The following YAF2 variants were observed in gnomAD, a reference collection of about 807,000 sequenced individuals.
YAF2 encodes YY1-associated factor 2.
A neutral mutation model predicts 20.1 loss-of-function variants in YAF2; 7 were observed. The ratio of observed to expected loss-of-function variants is 0.35; its 90% CI spans 0.20 to 0.65. The LOEUF is 0.65. YAF2 is among the 30% of genes least tolerant of loss of function. YAF2 has a pLI of 0.69. For synonymous variants in YAF2, 74 were observed against 76.0 expected, an observed-to-expected ratio of 0.97 and a Z score of 0.14; for missense variants, 151 against 219.2, an observed-to-expected ratio of 0.69 and a Z score of 1.96.
chr12:42,199,088 T>C, intron 2 of YAF2: 1 of 1,041,002 alleles, frequency 9.6e-7, no homozygotes, highest in Non-Finnish European at 1.3e-6. Context: ...TCCTCTTGGG[T>C]ACATCTTCAA....
chr12:42,207,492 T>C (rs1220688582), intron 2 of YAF2, among the ~76,000 whole-genome samples: 3 of 152,100 alleles, frequency 2.0e-5, no homozygotes, highest in African/African-American at 4.8e-5. Flanking sequence ...ACTAAATAAT[T>C]AGAATTTCAC....
At position 42,182,125 on chromosome 12, in the gene YAF2, AAAG is replaced by A. The variant is rs140962363; in HGVS notation, c.153-20363_153-20361del. Among the ~76,000 whole-genome samples the A allele has an allele frequency of 8.6e-3, 1,307 of 152,246 alleles. 19 individuals carry two copies. The highest frequency in any genetic ancestry group is 0.03 in the African/African-American group (1,255 of 41,508). ...TAAACTGATGAATTATTTCACAAAA[AAAG>A]AAGGTTAAAACTACAAAAGCATCAT... is the stretch of plus-strand genomic sequence containing the variant. On this transcript the variant is annotated intron_variant, in intron 2 of 3. Coordinates refer to ENST00000534854, the MANE Select transcript of YAF2 (RefSeq NM_005748.6).
intron 2 of YAF2, among the ~76,000 whole-genome samples, chr12:42,227,844 T>TGG (rs1260645926): frequency 9.7e-6 from 1 of 103,452 alleles, no homozygotes; most frequent in Non-Finnish European, 1.9e-5. Flanking sequence ...GGGAGGGAGG[T>TGG]GGGGGGGTCA....
intron 2 of YAF2, among the ~76,000 whole-genome samples, chr12:42,228,165 G>A (rs1246426190): frequency 9.2e-5 from 6 of 64,978 alleles, no homozygotes; most frequent in Admixed American, 1.4e-4. Context: ...TCGGCCCCCC[G>A]CCCGGCCAGC....
At chr12:42,232,783 A>T in intron 2 of YAF2, 1 of 985,490 alleles carries the variant, frequency 1.0e-6, no homozygotes, top group Non-Finnish European at 1.2e-6. Context: ...AGCTTCTTTC[A>T]GAATGTGGAT....
At chr12:42,185,210 A>C (rs1263612744) in intron 2 of YAF2, among the ~76,000 whole-genome samples, 1 of 152,198 alleles carries the variant, frequency 6.6e-6, no homozygotes, top group Non-Finnish European at 1.5e-5. Context: ...ACAAAAAAAC[A>C]GAACTAGAAT....
intron 2 of YAF2, chr12:42,233,144 T>C: frequency 1.0e-6 from 1 of 985,456 alleles, no homozygotes; most frequent in Non-Finnish European, 1.2e-6. Context: ...TGAACCCAGG[T>C]TACCAAAATC....
intron 2 of YAF2, chr12:42,172,335 A>C (rs2066071024): frequency 6.6e-6 from 1 of 152,224 alleles, no homozygotes; most frequent in Non-Finnish European, 1.5e-5. Context: ...TATAATTTGA[A>C]ATCTCTTATA....
At chr12:42,198,386 C>T (rs2066810414) in intron 2 of YAF2, among the ~76,000 whole-genome samples, 2 of 152,130 alleles carry the variant, frequency 1.3e-5, no homozygotes, top group African/African-American at 4.8e-5. Flanking sequence ...GAGTTTGAGA[C>T]CAGCCTGAGC....
chr12:42,233,707 C>T (rs1265404564), intron 2 of YAF2: 2 of 868,112 alleles, frequency 2.3e-6, no homozygotes, highest in Non-Finnish European at 2.8e-6. Context: ...GAGACGAGAT[C>T]TCACTGTGTT....
At chr12:42,225,434 C>T (rs958231432) in intron 2 of YAF2, among the ~76,000 whole-genome samples, 4 of 152,132 alleles carry the variant, frequency 2.6e-5, no homozygotes, top group Admixed American at 2.6e-4. Context: ...GAAGTCTTTG[C>T]CCATGCCTAT....
At chr12:42,234,093 C>T (rs181282296) in intron 2 of YAF2, 260 of 697,730 alleles carry the variant, frequency 3.7e-4, no homozygotes, top group Non-Finnish European at 4.2e-4. Context: ...ATTGCTTGAA[C>T]CTGGGAGGTG....
chr12:42,220,133 T>C (rs1455679551), intron 2 of YAF2, among the ~76,000 whole-genome samples: 1 of 152,116 alleles, frequency 6.6e-6, no homozygotes, highest in African/African-American at 2.4e-5. Context: ...ATTCTTCCAA[T>C]GAGAGATACT....
intron 2 of YAF2, among the ~76,000 whole-genome samples, chr12:42,223,310 C>T (rs1017950611): frequency 6.6e-6 from 1 of 150,750 alleles, no homozygotes; most frequent in East Asian, 1.9e-4. Context: ...ATCTTAAAAA[C>T]AGCAGTTTCT....
intron 2 of YAF2, among the ~76,000 whole-genome samples, chr12:42,198,423 A>C (rs2066811293): frequency 6.6e-6 from 1 of 152,162 alleles, no homozygotes; most frequent in African/African-American, 2.4e-5. Context: ...GTCTCTACAA[A>C]AAAATACAAA....
chr12:42,183,050 A>AT (rs2137056972), intron 2 of YAF2, among the ~76,000 whole-genome samples: 1 of 152,272 alleles, frequency 6.6e-6, no homozygotes, highest in African/African-American at 2.4e-5. Flanking sequence ...CGTTATTATT[A>AT]TATCTGTTAT....
At chr12:42,232,673 TAGA>T in intron 2 of YAF2, 1 of 985,422 alleles carries the variant, frequency 1.0e-6, no homozygotes, top group Non-Finnish European at 1.2e-6. Flanking sequence ...ACCAAAAGTC[TAGA>T]AGAATCAGTG....
chr12:42,160,918 A>G, intron 3 of YAF2, 92 bp from the exon 4 acceptor site: 1 of 1,077,580 alleles, frequency 9.3e-7, no homozygotes, highest in South Asian at 1.6e-5. Context: ...AAAGTAACAA[A>G]ATGAATACAT....
intron 2 of YAF2, among the ~76,000 whole-genome samples, chr12:42,184,383 C>T (rs1338996142): frequency 6.6e-6 from 1 of 152,170 alleles, no homozygotes; most frequent in African/African-American, 2.4e-5. Flanking sequence ...CATCTCGGCT[C>T]ACTGCAACCT....
Sources: allele counts gnomAD v4.1 joint callset (sites outside exome capture counted in the v4.1 genomes callset), GRCh38; gene constraint gnomAD v4.1.1; transcripts MANE v1.5; gene names NCBI Gene and HGNC (gene_info 2026-07-23, HGNC 2026-07-21).